Variants in SNX18 observed in about 807,000 individuals in gnomAD.
The protein encoded by SNX18 is sorting nexin-18.
SNX18 carries 35 observed loss-of-function variants against 48.7 expected under a neutral mutation model. The observed-to-expected ratio is 0.72, with a 90% CI of 0.55 to 0.95. The LOEUF is 0.95. Ranked by LOEUF, SNX18 falls within the 40% of genes least tolerant of loss-of-function variation. The pLI is 0.00. For missense variants in SNX18, 824 were observed against 871.0 expected, an observed-to-expected ratio of 0.95 and a Z score of 0.68; for synonymous variants, 492 against 384.7, an observed-to-expected ratio of 1.28 and a Z score of -3.26.
At chr5:54,595,066 C>T in the SNX18 span, among the ~76,000 whole-genome samples, 1 of 152,042 alleles carries the variant, frequency 6.6e-6, no homozygotes, top group African/African-American at 2.4e-5. Context: ...TTCATTTAAT[C>T]CACTGTTGAT....
At chr5:54,532,732 A>G (rs1302049079) in intron 1 of SNX18, among the ~76,000 whole-genome samples, 1 of 152,200 alleles carries the variant, frequency 6.6e-6, no homozygotes, top group Non-Finnish European at 1.5e-5. Context: ...AATATTCATT[A>G]TGGGCTGGAA....
In SNX18 at chr5:54,534,075, G is replaced by A. The variant is rs144170212; in HGVS notation, c.1622-9104G>A. Among the ~76,000 whole-genome samples the A allele has an allele frequency of 2.4e-3, 358 of 152,160 alleles. 3 individuals carry two copies. The highest frequency in any genetic ancestry group is 3.5e-3 in the Non-Finnish European group (241 of 68,012). ...AAACAGGCCGAGTCCAGTCTTGAGC[G>A]ACTTCTAAGCAGCTGTCCCTGCTGC... is the stretch of plus-strand genomic sequence containing the variant. On this transcript the variant is annotated intron_variant, in intron 1 of 1. Coordinates refer to ENST00000381410, the MANE Select transcript of SNX18 (RefSeq NM_001102575.2).
chr5:54,596,720 G>T, the SNX18 span, among the ~76,000 whole-genome samples: 1 of 152,108 alleles, frequency 6.6e-6, no homozygotes, highest in Non-Finnish European at 1.5e-5. Flanking sequence ...TTTCTTATCT[G>T]TCCATGAGAC....
the SNX18 span, among the ~76,000 whole-genome samples, chr5:54,573,082 C>T: frequency 2.6e-5 from 4 of 151,772 alleles, no homozygotes; most frequent in Admixed American, 6.6e-5. Flanking sequence ...GTCCTAATAT[C>T]CTGATATCTT....
the SNX18 span, among the ~76,000 whole-genome samples, chr5:54,572,430 C>A: frequency 2.6e-5 from 4 of 152,050 alleles, no homozygotes; most frequent in East Asian, 7.7e-4. Context: ...CTGCCTAACT[C>A]CTTACTTCTT....
Position 54,543,243 on chromosome 5 carries a change from G to A in SNX18, c.1686G>A (p.Lys562=), listed in dbSNP as rs1580110589. The A allele has an allele frequency of 5.6e-6, 9 of 1,614,112 alleles. No individual in the cohort carries two copies. In the South Asian group the frequency reaches 8.8e-5, roughly 16 times the overall value. The change falls in exon 2 of 2, where the codon AAG becomes AAA. Residue 562 remains lysine (K), a synonymous_variant. Transcript: ENST00000381410. The part of the protein sequence containing the change: ...HVEEGKMEVQ[K]ADGIQDRCNT... ...AGGAAGGGAAGATGGAGGTGCAGAA[G>A]GCTGACGGCATTCAGGATCGCTGTA...
At chr5:54,519,620 G>A (rs1761971526) in intron 1 of SNX18, 47 bp downstream of exon 1, 1 of 1,614,088 alleles carries the variant, frequency 6.2e-7, no homozygotes, top group African/African-American at 1.3e-5. Context: ...TATTGTGCAG[G>A]CTGAAAGGGG....
chr5:54,560,063 T>C, the SNX18 span, among the ~76,000 whole-genome samples: 1 of 152,144 alleles, frequency 6.6e-6, no homozygotes, highest in Non-Finnish European at 1.5e-5. Flanking sequence ...TGAAAGACAG[T>C]GTGGCGATTC....
At chr5:54,539,967 G>A (rs1034198796) in intron 1 of SNX18, among the ~76,000 whole-genome samples, 2 of 152,016 alleles carry the variant, frequency 1.3e-5, no homozygotes, top group African/African-American at 4.8e-5. Context: ...CGCCTCCCGG[G>A]TTGAAGTGAT....
At chr5:54,602,941 A>T in the SNX18 span, among the ~76,000 whole-genome samples, 4 of 152,032 alleles carry the variant, frequency 2.6e-5, no homozygotes, top group Non-Finnish European at 4.4e-5. Context: ...TGGTCACCCA[A>T]CACTCCTGGT....
At chr5:54,529,198 G>T (rs1455865815) in intron 1 of SNX18, among the ~76,000 whole-genome samples, 1 of 152,130 alleles carries the variant, frequency 6.6e-6, no homozygotes, top group Non-Finnish European at 1.5e-5. Context: ...CGTGGCGGTG[G>T]GAGGAGAACA....
intron 1 of SNX18, among the ~76,000 whole-genome samples, chr5:54,524,782 C>T (rs756497320): frequency 1.2e-4 from 18 of 152,334 alleles, no homozygotes; most frequent in Non-Finnish European, 2.4e-4. Flanking sequence ...AGAATCTGGC[C>T]GCTCTGCCGG....
the SNX18 span, among the ~76,000 whole-genome samples, chr5:54,603,372 T>C: frequency 1.3e-5 from 2 of 152,006 alleles, no homozygotes; most frequent in Admixed American, 1.3e-4. Flanking sequence ...TCCCAAAGTA[T>C]TGGGACACAG....
chr5:54,592,232 T>C, the SNX18 span, among the ~76,000 whole-genome samples: 2 of 152,218 alleles, frequency 1.3e-5, no homozygotes, highest in Non-Finnish European at 2.9e-5. Flanking sequence ...ATGTGAGATC[T>C]GCCGAATTTG....
the SNX18 span, among the ~76,000 whole-genome samples, chr5:54,617,486 C>T: frequency 6.6e-6 from 1 of 152,188 alleles, no homozygotes; most frequent in Non-Finnish European, 1.5e-5. Context: ...TTCAGATTCT[C>T]CTTGTCTGTC....
intron 1 of SNX18, among the ~76,000 whole-genome samples, chr5:54,522,863 T>G (rs1762057151): frequency 6.6e-6 from 1 of 152,212 alleles, no homozygotes; most frequent in Admixed American, 6.5e-5. Flanking sequence ...ACATACTTTC[T>G]GCAGAAGTGA....
chr5:54,625,918 A>G, the SNX18 span, among the ~76,000 whole-genome samples: 1 of 152,314 alleles, frequency 6.6e-6, no homozygotes, highest in East Asian at 1.9e-4. Context: ...CACCATCTGG[A>G]AAAAGCACCT....
chr5:54,641,700 G>GA, the SNX18 span, among the ~76,000 whole-genome samples: 1 of 152,328 alleles, frequency 6.6e-6, no homozygotes, highest in South Asian at 2.1e-4. Flanking sequence ...AAGTGACAGG[G>GA]AAACTATAGA....
the SNX18 span, among the ~76,000 whole-genome samples, chr5:54,560,156 A>G: frequency 6.6e-6 from 1 of 152,256 alleles, no homozygotes; most frequent in Admixed American, 6.5e-5. Flanking sequence ...AAGTCATTCT[A>G]TCATAAAGAT....
Sources: gnomAD v4.1 joint callset for allele counts (sites outside exome capture counted in the v4.1 genomes callset) on GRCh38, gnomAD v4.1.1 for gene constraint, MANE v1.5 for transcripts, NCBI Gene and HGNC (gene_info 2026-07-23, HGNC 2026-07-21) for gene names.